The following AGO2 variants were observed in gnomAD, a reference collection of about 807,000 sequenced individuals.
The protein encoded by AGO2 is protein argonaute-2.
AGO2 carries 5 observed loss-of-function variants against 102.3 expected under a neutral mutation model. The ratio of observed to expected loss-of-function variants is 0.05; its 90% CI spans 0.03 to 0.10. The LOEUF (loss-of-function observed/expected upper bound fraction) is 0.10, where lower values mean the gene tolerates loss of function less well. Ranked by LOEUF, AGO2 falls within the 10% of genes least tolerant of loss-of-function variation. The pLI is 1.00. For missense variants in AGO2, 541 were observed against 1,183.7 expected (o/e 0.46, Z 7.97); for synonymous variants, 449 against 473.1 (o/e 0.95, Z 0.66).
intron 3 of AGO2, among the ~76,000 whole-genome samples, chr8:140,571,125 T>C (rs1270416614): frequency 6.6e-6 from 1 of 152,232 alleles, no homozygotes; most frequent in Admixed American, 6.5e-5. Flanking sequence ...TTGCTCCTCT[T>C]GGGAAAACCA....
intron 1 of AGO2, among the ~76,000 whole-genome samples, chr8:140,602,329 A>C (rs1468182513): frequency 6.6e-6 from 1 of 152,228 alleles, no homozygotes; most frequent in African/African-American, 2.4e-5. Context: ...TGTCATTATA[A>C]AGGGAAAAAA....
intron 1 of AGO2, among the ~76,000 whole-genome samples, chr8:140,618,230 G>T (rs1347103966): frequency 6.6e-6 from 1 of 151,972 alleles, no homozygotes. Flanking sequence ...TAAGGCAGGA[G>T]AATCGCTTGA....
chr8:140,585,645 G>T (rs2073644570), intron 1 of AGO2, among the ~76,000 whole-genome samples: 1 of 152,158 alleles, frequency 6.6e-6, no homozygotes, highest in South Asian at 2.1e-4. Context: ...CCTTGCTGCT[G>T]CTTAAACCGC....
At chr8:140,547,720 T>A in intron 12 of AGO2, 93 bp from the exon 13 acceptor site, 1 of 1,503,046 alleles carries the variant, frequency 6.7e-7, no homozygotes, top group Non-Finnish European at 8.9e-7. Flanking sequence ...CTTGCCCCCA[T>A]CTGGCAAGTG....
chr8:140,625,225 C>T (rs764238734), intron 1 of AGO2, among the ~76,000 whole-genome samples: 31 of 152,244 alleles, frequency 2.0e-4, no homozygotes, highest in Admixed American at 4.6e-4. Context: ...CCAACCTCCA[C>T]CTCCTGGGTA....
At chr8:140,568,334 G>A (rs904646348) in intron 3 of AGO2, among the ~76,000 whole-genome samples, 1 of 151,822 alleles carries the variant, frequency 6.6e-6, no homozygotes, top group African/African-American at 2.4e-5. Context: ...ATGAAGCCAG[G>A]GAAAAGGCAC....
intron 4 of AGO2, among the ~76,000 whole-genome samples, chr8:140,560,941 G>T (rs992902162): frequency 6.6e-6 from 1 of 152,250 alleles, no homozygotes; most frequent in Non-Finnish European, 1.5e-5. Flanking sequence ...AGCCCCAGCC[G>T]TGGGGAGACG....
intron 1 of AGO2, chr8:140,593,318 A>C (rs911472423): frequency 6.6e-6 from 1 of 152,054 alleles, no homozygotes; most frequent in Non-Finnish European, 1.5e-5. Flanking sequence ...CAGCCTCCCG[A>C]GTAGCTGGGA....
rs552180590 is a variant in AGO2, at chr8:140,525,239, C to T, written c.*6805G>A. 4 of 152,250 alleles carry T rather than the reference C, an allele frequency of 2.6e-5. No homozygotes were observed. The highest frequency in any genetic ancestry group is 5.9e-5 in the Non-Finnish European group (4 of 68,058). 9.4% of individuals were successfully genotyped at this position (152,250 alleles called of 1,614,324 possible). On this transcript the variant is annotated 3_prime_UTR_variant, in exon 19 of 19. Transcript: ENST00000220592. ...ACGCGAAGATGGTGGGAGGGCCCAG[C>T]GCAGCATTCCGGAGATGCGCGTGCA...
rs1012111405 is a variant in AGO2, at chr8:140,520,205, A to G, written c.*11839T>C. 6.6e-6 allele frequency: 1 copy of G among 152,246 alleles called. No homozygotes were observed. Among genetic ancestry groups the G allele is most frequent in the African/African-American group, 2.4e-5 (1 of 41,466 alleles). The allele number at this position is 152,246 out of a possible 1,614,324, so 9.4% of individuals were successfully genotyped here. A position where few individuals can be genotyped will look rare whatever the true frequency, so the allele number is the denominator to read the frequency against. On this transcript the variant is annotated 3_prime_UTR_variant, in exon 19 of 19. Coordinates refer to ENST00000220592, the MANE Select transcript of AGO2 (RefSeq NM_012154.5). ...ATTTTTTGCTGACATACTATGAGGC[A>G]AAACAAAATTGACACCATACAAAAT...
intron 1 of AGO2, among the ~76,000 whole-genome samples, chr8:140,599,902 C>T (rs938056211): frequency 1.3e-5 from 2 of 152,124 alleles, no homozygotes; most frequent in South Asian, 2.1e-4. Context: ...TTGTATTTTT[C>T]GCAGAGATGG....
chr8:140,538,564 T>C (rs1165634280), intron 16 of AGO2, among the ~76,000 whole-genome samples: 1 of 152,190 alleles, frequency 6.6e-6, no homozygotes, highest in Non-Finnish European at 1.5e-5. Flanking sequence ...GGAACACCTA[T>C]GAGATGTACC....
chr8:140,558,499 G>A lies in AGO2; in HGVS notation c.864C>T (p.Pro288=), dbSNP rs150967586. The change falls in exon 7 of 19, where the codon CCC becomes CCT. Residue 288 remains proline (P), a synonymous_variant. Transcript: ENST00000220592. The part of the protein sequence containing the change: ...KYRVCNVTRR[P]ASHQTFPLQQ... ...GGGCGTGTTACGTTTGGTGACTGGC[G>A]GGCCGCCGGGTCACATTGCAGACGC... is the stretch of plus-strand genomic sequence containing the variant. 6.8e-5 allele frequency: 110 copies of A among 1,614,092 alleles called. 1 individual carries two copies. Among genetic ancestry groups the A allele is most frequent in the East Asian group, 5.3e-4 (24 of 44,886 alleles).
chr8:140,576,545 C>T (rs181574552), intron 2 of AGO2, among the ~76,000 whole-genome samples: 93 of 152,240 alleles, frequency 6.1e-4, no homozygotes, highest in Non-Finnish European at 1.1e-3. Flanking sequence ...GTTCATCACT[C>T]GGCTTTAGGG....
At chr8:140,604,104 C>A (rs1018270396) in intron 1 of AGO2, among the ~76,000 whole-genome samples, 4 of 152,226 alleles carry the variant, frequency 2.6e-5, no homozygotes. Flanking sequence ...CCAGCAGCCC[C>A]GGAGGCTCAG....
chr8:140,641,785 T>C, the AGO2 span, among the ~76,000 whole-genome samples: 3 of 152,142 alleles, frequency 2.0e-5, no homozygotes, highest in Non-Finnish European at 4.4e-5. Flanking sequence ...GGTTTTGCCA[T>C]GATGGCCAGG....
At chr8:140,561,028 G>A (rs751701219) in intron 4 of AGO2, among the ~76,000 whole-genome samples, 2 of 152,236 alleles carry the variant, frequency 1.3e-5, no homozygotes, top group Non-Finnish European at 2.9e-5. Context: ...CCCCAGGTAG[G>A]CTCCGAGGCC....
intron 3 of AGO2, among the ~76,000 whole-genome samples, chr8:140,568,299 AAGAG>A (rs1380764690): frequency 6.7e-6 from 1 of 150,316 alleles, no homozygotes; most frequent in Non-Finnish European, 1.5e-5. Context: ...AAAAAAAAAA[AAGAG>A]AGAGCACAAA....
chr8:140,549,687 C>A lies in AGO2; in HGVS notation c.1404-389G>T, dbSNP rs1028827746. On this transcript the variant is annotated intron_variant, in intron 11 of 18. Transcript: ENST00000220592. ...CCTGGAGCTCTTGTGAAGCTCTCCCCACGTGCAGGCCAGGCACTGTCAGAG... is the reference window on the plus strand; with the variant it reads ...CCTGGAGCTCTTGTGAAGCTCTCCCAACGTGCAGGCCAGGCACTGTCAGAG... 1.2e-4 allele frequency among the ~76,000 whole-genome samples: 18 copies of A among 152,404 alleles called. No individual in the cohort carries two copies. In the South Asian group the frequency reaches 2.1e-3, roughly 18 times the overall value.
Sources: allele counts gnomAD v4.1 joint callset (sites outside exome capture counted in the v4.1 genomes callset), GRCh38; gene constraint gnomAD v4.1.1; transcripts MANE v1.5; gene names NCBI Gene and HGNC (gene_info 2026-07-23, HGNC 2026-07-21).